Variants in AK7 observed in about 807,000 individuals in gnomAD.
AK7 encodes the protein ATP-AMP transphosphorylase 7.
A neutral mutation model predicts 96.6 loss-of-function variants in AK7; 78 were observed. The ratio of observed to expected loss-of-function variants is 0.81; its 90% CI spans 0.67 to 0.97. The LOEUF (loss-of-function observed/expected upper bound fraction) is 0.97, where lower values mean the gene tolerates loss of function less well. Ranked by LOEUF, AK7 falls within the 50% of genes least tolerant of loss-of-function variation. The pLI, the probability that AK7 is intolerant of heterozygous loss-of-function variation, is 0.00. For synonymous variants in AK7, 302 were observed against 317.2 expected, an observed-to-expected ratio of 0.95 and a Z score of 0.51; for missense variants, 855 against 887.9, an observed-to-expected ratio of 0.96 and a Z score of 0.47.
At position 96,422,569 on chromosome 14, in the gene AK7, A is replaced by G. The variant is rs986607414; in HGVS notation, c.609+1637A>G. Among the ~76,000 whole-genome samples the G allele has an allele frequency of 2.4e-4, 36 of 152,144 alleles. 2 individuals carry two copies. ...GCATTCCATTCCCAGAGCTATGAAC[A>G]TCTGCTTTTCTGGGATAGGAATCTT... On this transcript the variant is annotated intron_variant, in intron 5 of 17. Transcript: ENST00000267584.
Position 96,478,635 on chromosome 14 carries a change from G to A in AK7, c.1726G>A (p.Glu576Lys). Reference protein sequence around the residue: ...DDETVFNYFDELEIHPIHIDV... With the variant: ...DDETVFNYFDKLEIHPIHIDV... ...TGAGACTGTCTTCAACTATTTTGATGAACTTGAAATTCACCCGATACATAT... is the reference window on the plus strand; with the variant it reads ...TGAGACTGTCTTCAACTATTTTGATAAACTTGAAATTCACCCGATACATAT... Residue 576 changes from glutamate to lysine, a missense_variant, in exon 15 of 18, where the codon GAA (glutamate) becomes AAA (lysine). Physicochemically the swap from Glu to Lys is moderately conservative, Grantham distance 56. Coordinates refer to ENST00000267584, the MANE Select transcript of AK7 (RefSeq NM_152327.5). 2.5e-6 allele frequency: 4 copies of A among 1,614,112 alleles called. No individual in the cohort carries two copies. The highest frequency in any genetic ancestry group is 3.4e-6 in the Non-Finnish European group (4 of 1,180,020).
intron 8 of AK7, 90 bp from the exon 9 acceptor site, chr14:96,449,712 G>A (rs1232424792): frequency 3.1e-5 from 29 of 934,764 alleles, no homozygotes; most frequent in Non-Finnish European, 4.5e-5. Flanking sequence ...GGGATTACAG[G>A]CGTGAGCCAC....
Position 96,442,951 on chromosome 14 carries a change from C to G in AK7, c.779+133C>G, listed in dbSNP as rs560178023. On this transcript the variant is annotated intron_variant, in intron 7 of 17. Transcript: ENST00000267584. ...ATTGTGTTCATTCTTCGTAACAACC[C>G]TATGCAGAAGGTACCGTCTTCTCCA... 30 of 781,380 alleles carry G rather than the reference C, an allele frequency of 3.8e-5. No homozygotes were observed. In the Admixed American group the frequency reaches 6.8e-4, roughly 18 times the overall value. The allele number at this position is 781,380 out of a possible 1,614,324, so 48.4% of individuals were successfully genotyped here.
intron 4 of AK7, among the ~76,000 whole-genome samples, chr14:96,419,935 C>G (rs951441269): frequency 6.6e-6 from 1 of 151,504 alleles, no homozygotes; most frequent in Non-Finnish European, 1.5e-5. Context: ...ATTACAGGTG[C>G]CTGCCACCAC....
chr14:96,469,466 A>T (rs1894764035), intron 12 of AK7, among the ~76,000 whole-genome samples: 1 of 152,052 alleles, frequency 6.6e-6, no homozygotes, highest in Admixed American at 6.6e-5. Context: ...CAGAGGTTGC[A>T]GTGAGCCAAG....
At chr14:96,463,062 T>TA (rs896964976) in intron 12 of AK7, among the ~76,000 whole-genome samples, 2 of 151,830 alleles carry the variant, frequency 1.3e-5, no homozygotes, top group East Asian at 1.9e-4. Flanking sequence ...GCTTGAACCC[T>TA]AGAGGCAGAG....
chr14:96,434,308 G>A (rs1344642259), intron 5 of AK7, among the ~76,000 whole-genome samples: 3 of 152,226 alleles, frequency 2.0e-5, no homozygotes, highest in Non-Finnish European at 2.9e-5. Context: ...CAGACTCATA[G>A]AGGTATCGCC....
At chr14:96,393,346 C>A (rs1439285410) in intron 1 of AK7, among the ~76,000 whole-genome samples, 1 of 152,208 alleles carries the variant, frequency 6.6e-6, no homozygotes, top group Admixed American at 6.5e-5. Flanking sequence ...GGCTACAGTA[C>A]GTACAATCTG....
chr14:96,458,117 GAGA>G lies in AK7; in HGVS notation c.1271_1273del (p.Glu424del), dbSNP rs781593749. On this transcript the variant is annotated inframe_deletion, in exon 12 of 18. Transcript: ENST00000267584. ...GTTGCCCCTAACGATGTAGGGGAAG[GAGA>G]AGAAGAAGTCGAAGAGGAAGAGGAG... is the stretch of plus-strand genomic sequence containing the variant. The G allele has an allele frequency of 4.0e-5, 64 of 1,613,896 alleles. No homozygotes were observed. Among genetic ancestry groups the G allele is most frequent in the Middle Eastern group, 1.7e-4 (1 of 6,008 alleles).
chr14:96,409,359 G>T (rs1890906540), intron 4 of AK7, among the ~76,000 whole-genome samples: 2 of 152,302 alleles, frequency 1.3e-5, no homozygotes, highest in South Asian at 4.1e-4. Flanking sequence ...ACCATCTGAG[G>T]TCAGGAGTTT....
At chr14:96,440,346 C>T (rs893243513) in intron 6 of AK7, among the ~76,000 whole-genome samples, 1 of 152,290 alleles carries the variant, frequency 6.6e-6, no homozygotes, top group Admixed American at 6.5e-5. Flanking sequence ...TACTCATTGT[C>T]CATTCTCAGC....
At chr14:96,412,129 A>G (rs1891065583) in intron 4 of AK7, among the ~76,000 whole-genome samples, 1 of 152,012 alleles carries the variant, frequency 6.6e-6, no homozygotes, top group Admixed American at 6.6e-5. Flanking sequence ...AGTTCTAATC[A>G]TGGACTCTAA....
At position 96,395,623 on chromosome 14, in the gene AK7, A is replaced by G. The variant is rs34541736; in HGVS notation, c.106-2452A>G. On this transcript the variant is annotated intron_variant, in intron 1 of 17. Transcript: ENST00000267584. ...CTCAGGAGGCAGAATGGGGAGGATC[A>G]CTTGAGCCCAGTTTGAGGCTACAGT... Among the ~76,000 whole-genome samples the G allele has an allele frequency of 2.0e-5, 3 of 150,394 alleles. No homozygotes were observed. The Admixed American group carries it at 2.0e-4, about 10-fold the overall frequency.
intron 2 of AK7, chr14:96,398,524 C>T (rs1379302601): frequency 1.6e-5 from 8 of 488,220 alleles, no homozygotes; most frequent in Non-Finnish European, 3.0e-5. Context: ...TACAGTTCTC[C>T]TCTTCAGCAT....
At chr14:96,479,561 A>C (rs765671706) in intron 15 of AK7, among the ~76,000 whole-genome samples, 5 of 152,038 alleles carry the variant, frequency 3.3e-5, no homozygotes, top group Non-Finnish European at 7.4e-5. Context: ...CAGAAGAGCA[A>C]ATAGCTCTTC....
chr14:96,398,494 A>G, intron 2 of AK7: 1 of 555,292 alleles, frequency 1.8e-6, no homozygotes, highest in Non-Finnish European at 3.2e-6. Context: ...GGATGGATCT[A>G]AGTTGGACTT....
At chr14:96,463,902 C>T (rs2140139662) in intron 12 of AK7, among the ~76,000 whole-genome samples, 1 of 152,082 alleles carries the variant, frequency 6.6e-6, no homozygotes, top group East Asian at 1.9e-4. Flanking sequence ...GGTGGGGTCA[C>T]CGCCAAACAG....
chr14:96,470,730 A>G (rs1255377141), intron 12 of AK7, among the ~76,000 whole-genome samples: 1 of 152,232 alleles, frequency 6.6e-6, no homozygotes, highest in Non-Finnish European at 1.5e-5. Context: ...AGTCAAATCC[A>G]GCACCTTCTT....
intron 12 of AK7, among the ~76,000 whole-genome samples, chr14:96,463,580 T>C (rs1894385159): frequency 6.7e-6 from 1 of 150,336 alleles, no homozygotes; most frequent in Non-Finnish European, 1.5e-5. Flanking sequence ...ATTAGCCGGG[T>C]GTGGTGGCGG....
Sources: allele counts gnomAD v4.1 joint callset (sites outside exome capture counted in the v4.1 genomes callset), GRCh38; gene constraint gnomAD v4.1.1; transcripts MANE v1.5; gene names NCBI Gene and HGNC (gene_info 2026-07-23, HGNC 2026-07-21).